The following COX7B2 variants were observed in gnomAD, a reference collection of about 807,000 sequenced individuals.
COX7B2 encodes cytochrome c oxidase subunit 7B2, mitochondrial.
For missense variants in COX7B2, 109 were observed against 95.9 expected, an observed-to-expected ratio of 1.14 and a Z score of -0.57; for synonymous variants, 37 against 32.1, an observed-to-expected ratio of 1.15 and a Z score of -0.51.
intron 2 of COX7B2, among the ~76,000 whole-genome samples, chr4:46,745,800 T>A (rs1714989923): frequency 6.6e-6 from 1 of 152,182 alleles, no homozygotes; most frequent in Admixed American, 6.5e-5. Context: ...TCTAAAAACA[T>A]GCAACAAAAA....
Position 46,797,162 on chromosome 4 carries a change from A to G in COX7B2, c.-50+47798T>C, listed in dbSNP as rs531348215. 1.2e-3 allele frequency among the ~76,000 whole-genome samples: 176 copies of G among 150,024 alleles called. No individual in the cohort carries two copies. The Middle Eastern group carries it at 0.018, about 15-fold the overall frequency. On this transcript the variant is annotated intron_variant, in intron 2 of 2. Coordinates refer to ENST00000355591, the MANE Select transcript of COX7B2 (RefSeq NM_130902.3). ...TTATCTCAAGGAAGGATTCTGGTAC[A>G]CTACCAAAAACTTATTTTGTTCATC... is the stretch of plus-strand genomic sequence containing the variant.
rs79869252 is a variant in COX7B2, at chr4:46,860,435, C to T, written c.-104-15421G>A. ...GATGGTCTGCACATTGGTCTCCTTG[C>T]AGCAGTCAAACCCTCCCAAGCTTGG... On this transcript the variant is annotated intron_variant, in intron 1 of 2. Coordinates refer to ENST00000355591, the MANE Select transcript of COX7B2 (RefSeq NM_130902.3). 6.0e-3 allele frequency among the ~76,000 whole-genome samples: 919 copies of T among 152,258 alleles called. 6 individuals are homozygous for T. The highest frequency in any genetic ancestry group is 0.021 in the African/African-American group (863 of 41,540).
chr4:46,772,842 G>A (rs1716950144), intron 2 of COX7B2, among the ~76,000 whole-genome samples: 1 of 152,158 alleles, frequency 6.6e-6, no homozygotes, highest in South Asian at 2.1e-4. Flanking sequence ...CAGTAGTAAA[G>A]CTACCTATTT....
At chr4:46,737,645 A>G (rs1714444959) in intron 2 of COX7B2, among the ~76,000 whole-genome samples, 1 of 152,182 alleles carries the variant, frequency 6.6e-6, no homozygotes, top group Non-Finnish European at 1.5e-5. Flanking sequence ...TTTCTTAGAT[A>G]GTTACAAGAA....
chr4:46,808,929 C>T (rs1719146088), intron 2 of COX7B2, among the ~76,000 whole-genome samples: 1 of 151,770 alleles, frequency 6.6e-6, no homozygotes, highest in Non-Finnish European at 1.5e-5. Context: ...ATTTGATTTG[C>T]TAATATTTTA....
At chr4:46,851,464 G>C (rs1716680756) in intron 1 of COX7B2, among the ~76,000 whole-genome samples, 1 of 152,140 alleles carries the variant, frequency 6.6e-6, no homozygotes, top group African/African-American at 2.4e-5. Context: ...TAAGCATTCT[G>C]TTATATCCTC....
intron 2 of COX7B2, among the ~76,000 whole-genome samples, chr4:46,772,918 T>A (rs1190203392): frequency 6.6e-6 from 1 of 152,086 alleles, no homozygotes; most frequent in Non-Finnish European, 1.5e-5. Flanking sequence ...TAAATAAGAC[T>A]TAAAAATATT....
intron 2 of COX7B2, among the ~76,000 whole-genome samples, chr4:46,826,867 G>A (rs941782584): frequency 6.6e-6 from 1 of 152,084 alleles, no homozygotes; most frequent in African/African-American, 2.4e-5. Flanking sequence ...CTAGCATGTG[G>A]AGGGATGGAG....
At chr4:46,738,934 T>C (rs1714536724) in intron 2 of COX7B2, among the ~76,000 whole-genome samples, 1 of 152,106 alleles carries the variant, frequency 6.6e-6, no homozygotes, top group South Asian at 2.1e-4. Context: ...TTGTGTCATC[T>C]ATTATATGTA....
At chr4:46,892,556 C>G (rs1719492300) in intron 1 of COX7B2, among the ~76,000 whole-genome samples, 1 of 152,132 alleles carries the variant, frequency 6.6e-6, no homozygotes, top group South Asian at 2.1e-4. Flanking sequence ...GGGTACTTGA[C>G]AAGGTGATTT....
chr4:46,880,434 T>C (rs1276917845), intron 1 of COX7B2, among the ~76,000 whole-genome samples: 2 of 104,002 alleles, frequency 1.9e-5, no homozygotes, highest in Non-Finnish European at 4.4e-5. Context: ...TTTTTTTTTT[T>C]CTGGGTAGGC....
intron 1 of COX7B2, among the ~76,000 whole-genome samples, chr4:46,905,147 T>C (rs868030125): frequency 3.7e-4 from 53 of 144,312 alleles, no homozygotes; most frequent in African/African-American, 1.2e-3. Flanking sequence ...TTAAGTATTA[T>C]ACAAGTTTTT....
chr4:46,792,025 C>A (rs1718076370), intron 2 of COX7B2, among the ~76,000 whole-genome samples: 2 of 152,136 alleles, frequency 1.3e-5, no homozygotes, highest in African/African-American at 2.4e-5. Context: ...TCAGCTATCA[C>A]AAGATCCTAT....
At chr4:46,830,805 T>C (rs149084143) in intron 2 of COX7B2, among the ~76,000 whole-genome samples, 1 of 152,292 alleles carries the variant, frequency 6.6e-6, no homozygotes, top group African/African-American at 2.4e-5. Context: ...GCTTTCAAAG[T>C]TTTACTGGGC....
intron 2 of COX7B2, among the ~76,000 whole-genome samples, chr4:46,756,173 C>CTTTTTTTGT (rs1715786245): frequency 6.6e-6 from 1 of 152,022 alleles, no homozygotes; most frequent in Admixed American, 6.6e-5. Context: ...CTACAACCAA[C>CTTTTTTTGT]TGATCTTCAA....
chr4:46,827,355 A>G (rs1198845809), intron 2 of COX7B2, among the ~76,000 whole-genome samples: 1 of 152,128 alleles, frequency 6.6e-6, no homozygotes, highest in African/African-American at 2.4e-5. Context: ...GAATCTTGGA[A>G]GCACCTAAAA....
chr4:46,767,113 GA>G (rs1716587925), intron 2 of COX7B2, among the ~76,000 whole-genome samples: 1 of 152,248 alleles, frequency 6.6e-6, no homozygotes, highest in Non-Finnish European at 1.5e-5. Flanking sequence ...GCTGCCTACA[GA>G]GACTGAGTTT....
intron 2 of COX7B2, among the ~76,000 whole-genome samples, chr4:46,826,351 A>C (rs1016477534): frequency 6.6e-6 from 1 of 152,062 alleles, no homozygotes; most frequent in African/African-American, 2.4e-5. Context: ...GTGGCTATTA[A>C]TAAAAGTTCA....
intron 2 of COX7B2, among the ~76,000 whole-genome samples, chr4:46,795,325 G>A (rs1718266451): frequency 1.2e-5 from 1 of 80,560 alleles, no homozygotes; most frequent in African/African-American, 5.7e-5. Flanking sequence ...GGGTTTTTAT[G>A]GTTTTAGGTT....
Sources: allele counts gnomAD v4.1 joint callset (sites outside exome capture counted in the v4.1 genomes callset), GRCh38; gene constraint gnomAD v4.1.1; transcripts MANE v1.5; gene names NCBI Gene and HGNC (gene_info 2026-07-23, HGNC 2026-07-21).